DNER: variants seen among roughly 807,000 people sequenced by gnomAD.
DNER encodes the protein delta and Notch-like epidermal growth factor-related receptor.
A neutral mutation model predicts 78.2 loss-of-function variants in DNER; 33 were observed. That is an observed-to-expected ratio of 0.42 (90% CI 0.32 to 0.56). The LOEUF (loss-of-function observed/expected upper bound fraction) is 0.56, where lower values mean the gene tolerates loss of function less well. DNER is among the 20% of genes least tolerant of loss of function. The probability of loss-of-function intolerance (pLI) is 0.11; values close to 1 mark genes in which losing one functional copy is unlikely to be tolerated. For missense variants in DNER, 918 were observed against 975.3 expected (o/e 0.94, Z 0.78); for synonymous variants, 417 against 384.8 (o/e 1.08, Z -0.98).
At chr2:229,568,765 T>C (rs576427626) in intron 4 of DNER, among the ~76,000 whole-genome samples, 1 of 152,298 alleles carries the variant, frequency 6.6e-6, no homozygotes, top group East Asian at 1.9e-4. Flanking sequence ...TCTCTCTATG[T>C]TGCCCAGGCT....
chr2:229,602,389 G>A (rs1259484430), intron 1 of DNER, among the ~76,000 whole-genome samples: 2 of 152,112 alleles, frequency 1.3e-5, no homozygotes, highest in African/African-American at 2.4e-5. Flanking sequence ...ATACTTATTG[G>A]TGAAAGGTAG....
At chr2:229,392,482 C>T (rs1162062392) in intron 10 of DNER, among the ~76,000 whole-genome samples, 1 of 143,338 alleles carries the variant, frequency 7.0e-6, no homozygotes, top group Non-Finnish European at 1.5e-5. Context: ...GGAAAGACCA[C>T]AACACAAGAT....
intron 4 of DNER, among the ~76,000 whole-genome samples, chr2:229,563,978 C>T (rs958499501): frequency 6.9e-6 from 1 of 145,512 alleles, no homozygotes; most frequent in African/African-American, 2.7e-5. Flanking sequence ...ATCCCATCAC[C>T]ATCATCATCA....
At chr2:229,633,463 T>C (rs898569784) in intron 1 of DNER, among the ~76,000 whole-genome samples, 1 of 152,232 alleles carries the variant, frequency 6.6e-6, no homozygotes, top group Admixed American at 6.5e-5. Flanking sequence ...GCCACCTTAT[T>C]TTTAAAAATA....
At chr2:229,542,140 GC>G (rs1222933377) in intron 5 of DNER, among the ~76,000 whole-genome samples, 1 of 151,912 alleles carries the variant, frequency 6.6e-6, no homozygotes, top group Non-Finnish European at 1.5e-5. Flanking sequence ...CCGTGCTGAT[GC>G]CCTGACACTC....
At chr2:229,426,406 A>G (rs537944239) in intron 8 of DNER, among the ~76,000 whole-genome samples, 1 of 136,792 alleles carries the variant, frequency 7.3e-6, no homozygotes, top group Admixed American at 8.4e-5. Context: ...GCGCCACTGC[A>G]CTCCAGCCTG....
At chr2:229,469,854 A>T (rs548147998) in intron 7 of DNER, among the ~76,000 whole-genome samples, 1 of 152,310 alleles carries the variant, frequency 6.6e-6, no homozygotes, top group African/African-American at 2.4e-5. Context: ...GAGGCAGGAG[A>T]GTCGCTTGAA....
chr2:229,364,992 A>G (rs1692312480), intron 12 of DNER, among the ~76,000 whole-genome samples: 1 of 151,848 alleles, frequency 6.6e-6, no homozygotes, highest in African/African-American at 2.4e-5. Context: ...CTGGGATTAC[A>G]GTGCTTATCT....
At chr2:229,550,308 T>C (rs1362642404) in intron 4 of DNER, among the ~76,000 whole-genome samples, 2 of 152,100 alleles carry the variant, frequency 1.3e-5, no homozygotes, top group African/African-American at 4.8e-5. Context: ...TATGCATATT[T>C]TAAATATTGT....
At chr2:229,433,614 A>G (rs904586324) in intron 8 of DNER, among the ~76,000 whole-genome samples, 2 of 152,222 alleles carry the variant, frequency 1.3e-5, no homozygotes, top group African/African-American at 4.8e-5. Flanking sequence ...CAAATTCGTG[A>G]GGGCAATTTT....
chr2:229,416,964 A>G (rs1693668317), intron 9 of DNER, among the ~76,000 whole-genome samples: 1 of 152,186 alleles, frequency 6.6e-6, no homozygotes, highest in Non-Finnish European at 1.5e-5. Context: ...GAGGTTGAAG[A>G]TATGTAGAGA....
chr2:229,428,161 G>T (rs982386890), intron 8 of DNER, among the ~76,000 whole-genome samples: 3 of 151,674 alleles, frequency 2.0e-5, no homozygotes, highest in Non-Finnish European at 4.4e-5. Context: ...TGTGGGTGGT[G>T]GGGGGATACA....
intron 4 of DNER, among the ~76,000 whole-genome samples, chr2:229,570,716 C>T (rs554654466): frequency 2.0e-5 from 3 of 150,744 alleles, no homozygotes; most frequent in African/African-American, 7.3e-5. Flanking sequence ...AGAGGAGAAG[C>T]GGGGTTGCAG....
chr2:229,681,038 G>T (rs917577339), intron 1 of DNER, among the ~76,000 whole-genome samples: 2 of 152,218 alleles, frequency 1.3e-5, no homozygotes, highest in African/African-American at 2.4e-5. Context: ...CTCCAAAGGA[G>T]AGGCATATAT....
intron 1 of DNER, among the ~76,000 whole-genome samples, chr2:229,680,804 A>G (rs1239051876): frequency 2.0e-5 from 3 of 152,242 alleles, no homozygotes; most frequent in African/African-American, 7.2e-5. Context: ...TCTTTCAACA[A>G]GTATCTAAAT....
intron 9 of DNER, among the ~76,000 whole-genome samples, chr2:229,409,372 C>A (rs925335484): frequency 1.3e-5 from 2 of 152,116 alleles, no homozygotes; most frequent in Non-Finnish European, 2.9e-5. Context: ...TGCCTGAAGC[C>A]TAGAAAACAT....
In DNER at chr2:229,621,258, A is replaced by G. The variant is rs568284304; in HGVS notation, c.277-29370T>C. Among the ~76,000 whole-genome samples, 17 of 152,318 alleles carry G rather than the reference A, an allele frequency of 1.1e-4. No homozygotes were observed. The South Asian group carries it at 3.5e-3, about 32-fold the overall frequency. ...TTTCCCCACAGTTTCTCATTGCCCT[A>G]TTTTGATCATTCCTACATACCGTTG... is the stretch of plus-strand genomic sequence containing the variant. On this transcript the variant is annotated intron_variant, in intron 1 of 12. Coordinates refer to ENST00000341772, the MANE Select transcript of DNER (RefSeq NM_139072.4).
intron 1 of DNER, among the ~76,000 whole-genome samples, chr2:229,686,967 A>C (rs1027411734): frequency 6.6e-6 from 1 of 152,200 alleles, no homozygotes; most frequent in Non-Finnish European, 1.5e-5. Flanking sequence ...TTGACTTTTC[A>C]ATGTCACTCT....
At chr2:229,697,089 C>G (rs768326475) in intron 1 of DNER, among the ~76,000 whole-genome samples, 1 of 152,126 alleles carries the variant, frequency 6.6e-6, no homozygotes, top group African/African-American at 2.4e-5. Flanking sequence ...AGGGTGGGAA[C>G]AATTCAAATG....
Sources: allele counts gnomAD v4.1 joint callset (sites outside exome capture counted in the v4.1 genomes callset), GRCh38; gene constraint gnomAD v4.1.1; transcripts MANE v1.5; gene names NCBI Gene and HGNC (gene_info 2026-07-23, HGNC 2026-07-21).